The following KRR1 variants were observed in gnomAD, a reference collection of about 807,000 sequenced individuals.
The protein encoded by KRR1 is KRR1 small subunit processome component homolog.
A neutral mutation model predicts 50.0 loss-of-function variants in KRR1; 23 were observed. That is an observed-to-expected ratio of 0.46 (90% CI 0.33 to 0.65). The LOEUF is 0.65. Ranked by LOEUF, KRR1 falls within the 30% of genes least tolerant of loss-of-function variation. The pLI is 0.02. For synonymous variants in KRR1, 133 were observed against 146.3 expected (o/e 0.91, Z 0.66); for missense variants, 419 against 442.4 (o/e 0.95, Z 0.47).
Position 75,492,075 on chromosome 12 carries a change from T to C in KRR1, c.*7734A>G, listed in dbSNP as rs1420145193. On this transcript the variant is annotated 3_prime_UTR_variant, in exon 10 of 10. Coordinates refer to ENST00000229214, the MANE Select transcript of KRR1 (RefSeq NM_007043.7). ...GACAAAGCCATAATTCAGTTAGTGG[T>C]AACTTTTCATGACTTTTTTTTTTTT... is the stretch of plus-strand genomic sequence containing the variant. 1.4e-5 allele frequency: 2 copies of C among 145,876 alleles called. No individual in the cohort carries two copies. The highest frequency in any genetic ancestry group is 4.0e-4 in the East Asian group (2 of 5,016). 9.0% of individuals were successfully genotyped at this position (145,876 alleles called of 1,614,324 possible).
At chr12:75,509,828 AT>A (rs1481299547) in intron 1 of KRR1, among the ~76,000 whole-genome samples, 1 of 151,442 alleles carries the variant, frequency 6.6e-6, no homozygotes, top group Non-Finnish European at 1.5e-5. Context: ...GGCTCAAGCA[AT>A]CCCCCCTCCT....
rs563728840 is a variant in KRR1, at chr12:75,502,946, C to T, written c.832-946G>A. On this transcript the variant is annotated intron_variant, in intron 7 of 9. Coordinates refer to ENST00000229214, the MANE Select transcript of KRR1 (RefSeq NM_007043.7). Reference sequence around the variant, plus strand: ...TTTTCACTATGATCATCATTTTCCCCGTCAATCACAAATCTTCCCTGAAAG... The same window carrying T: ...TTTTCACTATGATCATCATTTTCCCTGTCAATCACAAATCTTCCCTGAAAG... 12 of 152,066 alleles carry T rather than the reference C, an allele frequency of 7.9e-5. No individual in the cohort carries two copies. The East Asian group carries it at 1.9e-3, about 24-fold the overall frequency. 9.4% of individuals were successfully genotyped at this position (152,066 alleles called of 1,614,324 possible).
rs775562405 is a variant in KRR1, at chr12:75,499,013, C to T, written c.*796G>A. 2 of 1,460,070 alleles carry T rather than the reference C, an allele frequency of 1.4e-6. No homozygotes were observed. Among genetic ancestry groups the T allele is most frequent in the Admixed American group, 4.8e-5 (2 of 41,776 alleles). The allele number at this position is 1,460,070 out of a possible 1,614,324, so 90.4% of individuals were successfully genotyped here. On this transcript the variant is annotated 3_prime_UTR_variant, in exon 10 of 10. Transcript: ENST00000229214. Reference sequence around the variant, plus strand: ...GGAAAGAAAAAACCCAAAAACCAACCTCATTCACATATGGCTTTTTTTTTA... The same window carrying T: ...GGAAAGAAAAAACCCAAAAACCAACTTCATTCACATATGGCTTTTTTTTTA...
chr12:75,495,208 TAAAG>T lies in KRR1; in HGVS notation c.*4597_*4600del, dbSNP rs904177905. On this transcript the variant is annotated 3_prime_UTR_variant, in exon 10 of 10. Transcript: ENST00000229214. ...GTAATCATATAGGCCAGAGGGTAGG[TAAAG>T]AGAGGGAGCACAGCCCTGGAGTTAA... is the stretch of plus-strand genomic sequence containing the variant. 3.8e-5 allele frequency: 6 copies of T among 159,814 alleles called. No homozygotes were observed. Among genetic ancestry groups the T allele is most frequent in the African/African-American group, 1.4e-4 (6 of 41,682 alleles). The allele number at this position is 159,814 out of a possible 1,614,324, so 9.9% of individuals were successfully genotyped here.
At position 75,498,921 on chromosome 12, in the gene KRR1, T is replaced by TG. The variant is rs750969953; in HGVS notation, c.*887dup. 6.2e-7 allele frequency: 1 copy of TG among 1,607,294 alleles called. No individual in the cohort carries two copies. The highest frequency in any genetic ancestry group is 1.7e-4 in the Middle Eastern group (1 of 6,020). ...TTAATTCAGTAATTCTAATACTGTC[T>TG]GTTATAATTACCATTTTGGTACAGC... On this transcript the variant is annotated 3_prime_UTR_variant, in exon 10 of 10. Coordinates refer to ENST00000229214, the MANE Select transcript of KRR1 (RefSeq NM_007043.7).
intron 9 of KRR1, 74 bp from the exon 10 acceptor site, chr12:75,500,025 A>C: frequency 1.7e-6 from 2 of 1,197,758 alleles, no homozygotes; most frequent in South Asian, 2.9e-5. Context: ...TATGTTTAAC[A>C]AAGAATATAT....
In KRR1 at chr12:75,497,319, G is replaced by A. The variant is rs1566100699; in HGVS notation, c.*2490C>T. 1 of 152,010 alleles carries A rather than the reference G, an allele frequency of 6.6e-6. No individual in the cohort carries two copies. The highest frequency in any genetic ancestry group is 1.5e-5 in the Non-Finnish European group (1 of 68,000). The allele number at this position is 152,010 out of a possible 1,614,324, so 9.4% of individuals were successfully genotyped here. On this transcript the variant is annotated 3_prime_UTR_variant, in exon 10 of 10. Transcript: ENST00000229214. ...TAACTTGAGATGCTCTTTAATCTTGGGGAATAACATTTAGAAGATTAAAGC... is the reference window on the plus strand; with the variant it reads ...TAACTTGAGATGCTCTTTAATCTTGAGGAATAACATTTAGAAGATTAAAGC...
At position 75,498,808 on chromosome 12, in the gene KRR1, T is replaced by C. The variant is rs1203970434; in HGVS notation, c.*1001A>G. On this transcript the variant is annotated 3_prime_UTR_variant, in exon 10 of 10. Coordinates refer to ENST00000229214, the MANE Select transcript of KRR1 (RefSeq NM_007043.7). ...AGGAACAATGTCTAAGAGGATATTCTATGTTTGTTTCACAGGTTACTACTC... is the reference window on the plus strand; with the variant it reads ...AGGAACAATGTCTAAGAGGATATTCCATGTTTGTTTCACAGGTTACTACTC... 1.9e-6 allele frequency: 3 copies of C among 1,612,236 alleles called. No homozygotes were observed. The Admixed American group carries it at 5.0e-5, about 27-fold the overall frequency.
In KRR1 at chr12:75,499,646, CAAT is replaced by C. The variant is rs1457816568; in HGVS notation, c.*160_*162del. ...TCTCGTATAAATTTTTCAAAAAATACAATAATAATATAATTTATAAAGAACACT... is the reference window on the plus strand; with the variant it reads ...TCTCGTATAAATTTTTCAAAAAATACAATAATATAATTTATAAAGAACACT... On this transcript the variant is annotated 3_prime_UTR_variant, in exon 10 of 10. Transcript: ENST00000229214. The C allele has an allele frequency of 1.3e-5, 5 of 376,458 alleles. No individual in the cohort carries two copies. The highest frequency in any genetic ancestry group is 6.6e-5 in the South Asian group (1 of 15,054). 23.3% of individuals were successfully genotyped at this position (376,458 alleles called of 1,614,324 possible). A position where few individuals can be genotyped will look rare whatever the true frequency, so the allele number is the denominator to read the frequency against.
intron 1 of KRR1, 63 bp downstream of exon 1, chr12:75,511,450 A>G: frequency 7.0e-7 from 1 of 1,425,720 alleles, no homozygotes; most frequent in South Asian, 1.1e-5. Context: ...CGAGGAACGA[A>G]AGAAAAAAAC....
chr12:75,511,023 A>C (rs563374736), intron 1 of KRR1, among the ~76,000 whole-genome samples: 1 of 152,360 alleles, frequency 6.6e-6, no homozygotes, highest in South Asian at 2.1e-4. Context: ...ATATTTTAGC[A>C]TCTGACAAAC....
Position 75,498,866 on chromosome 12 carries a change from G to A in KRR1, c.*943C>T, listed in dbSNP as rs140872473. On this transcript the variant is annotated 3_prime_UTR_variant, in exon 10 of 10. Coordinates refer to ENST00000229214, the MANE Select transcript of KRR1 (RefSeq NM_007043.7). The stretch of plus-strand genomic sequence containing the variant: ...TATCCAGGCTGGCCCATATATCCAC[G>A]TAACAGATACACTTCTCTCTTTCTC... The A allele has an allele frequency of 4.8e-5, 78 of 1,610,900 alleles. 1 individual carries two copies. The South Asian group carries it at 6.3e-4, about 13-fold the overall frequency.
In KRR1 at chr12:75,497,920, A is replaced by C. The variant is rs2046361540; in HGVS notation, c.*1889T>G. On this transcript the variant is annotated 3_prime_UTR_variant, in exon 10 of 10. Coordinates refer to ENST00000229214, the MANE Select transcript of KRR1 (RefSeq NM_007043.7). ...TAAAAAAAAATAACTAGAACATCAC[A>C]CTCTTGATTTCATCGACATAACTGC... 6.6e-6 allele frequency: 1 copy of C among 152,038 alleles called. No individual in the cohort carries two copies. The highest frequency in any genetic ancestry group is 1.9e-4 in the East Asian group (1 of 5,198). The allele number at this position is 152,038 out of a possible 1,614,324, so 9.4% of individuals were successfully genotyped here.
intron 9 of KRR1, chr12:75,500,632 C>CTAAT (rs1282521093): frequency 6.6e-6 from 1 of 151,804 alleles, no homozygotes; most frequent in Non-Finnish European, 1.5e-5. Context: ...GGAAGTCCCC[C>CTAAT]TAATAGAAGC....
At position 75,495,970 on chromosome 12, in the gene KRR1, C is replaced by A; in HGVS notation, c.*3839G>T. The A allele has an allele frequency of 1.6e-5, 3 of 182,758 alleles. No individual in the cohort carries two copies. The highest frequency in any genetic ancestry group is 6.1e-5 in the Admixed American group (1 of 16,444). 11.3% of individuals were successfully genotyped at this position (182,758 alleles called of 1,614,324 possible). A position where few individuals can be genotyped will look rare whatever the true frequency, so the allele number is the denominator to read the frequency against. On this transcript the variant is annotated 3_prime_UTR_variant, in exon 10 of 10. Transcript: ENST00000229214. ...AAGATCAAAAATAAGTATAACAGGTCATCCAAACAAACAGAATTCTGTTTT... is the reference window on the plus strand; with the variant it reads ...AAGATCAAAAATAAGTATAACAGGTAATCCAAACAAACAGAATTCTGTTTT...
rs2046346551 is a variant in KRR1 at position 75,495,730 on chromosome 12, CAATG to C, written c.*4075_*4078del. 1 of 920,402 alleles carries C rather than the reference CAATG, an allele frequency of 1.1e-6. No individual in the cohort carries two copies. Among genetic ancestry groups the C allele is most frequent in the Admixed American group, 2.0e-5 (1 of 49,138 alleles). 57.0% of individuals were successfully genotyped at this position (920,402 alleles called of 1,614,324 possible). On this transcript the variant is annotated 3_prime_UTR_variant, in exon 10 of 10. Transcript: ENST00000229214. ...AACATGTAACTTTCTACAGAATTAA[CAATG>C]AAACCATGTTTTATCTTAACGGCTA... is the stretch of plus-strand genomic sequence containing the variant.
intron 7 of KRR1, 37 bp downstream of exon 7, chr12:75,503,867 A>T: frequency 1.9e-6 from 3 of 1,539,378 alleles, no homozygotes. Context: ...ATTAAAATAG[A>T]TTCTCCTTCA....
At chr12:75,503,161 T>C (rs1157133679) in intron 7 of KRR1, 2 of 152,018 alleles carry the variant, frequency 1.3e-5, no homozygotes, top group Non-Finnish European at 2.9e-5. Context: ...AGAAAACCCA[T>C]ACGTGAGAGA....
rs1442033634 is a variant in KRR1 at position 75,494,616 on chromosome 12, C to T, written c.*5193G>A. On this transcript the variant is annotated 3_prime_UTR_variant, in exon 10 of 10. Transcript: ENST00000229214. ...TGTATTTTATGCATTTAACAACAAA[C>T]TATGTTGAGAAAGAGCCCATAGGCC... The T allele has an allele frequency of 2.0e-5, 3 of 152,122 alleles. No individual in the cohort carries two copies. Among genetic ancestry groups the T allele is most frequent in the Non-Finnish European group, 2.9e-5 (2 of 68,008 alleles). The allele number at this position is 152,122 out of a possible 1,614,324, so 9.4% of individuals were successfully genotyped here. A position where few individuals can be genotyped will look rare whatever the true frequency, so the allele number is the denominator to read the frequency against.
Sources: gnomAD v4.1 joint callset for allele counts (sites outside exome capture counted in the v4.1 genomes callset) on GRCh38, gnomAD v4.1.1 for gene constraint, MANE v1.5 for transcripts, NCBI Gene and HGNC (gene_info 2026-07-23, HGNC 2026-07-21) for gene names.